BCKDHB: variants seen among roughly 807,000 people sequenced by gnomAD.
BCKDHB encodes 2-oxoisovalerate dehydrogenase subunit beta, mitochondrial.
In BCKDHB, 41 loss-of-function variants were observed where a neutral mutation model predicts 48.5. The ratio of observed to expected loss-of-function variants is 0.85; its 90% confidence interval spans 0.66 to 1.10. BCKDHB has a LOEUF of 1.10. Among genes scored for constraint, BCKDHB ranks in the 50% least tolerant of loss-of-function variants. The pLI, the probability that BCKDHB is intolerant of heterozygous loss-of-function variation, is 0.00. For missense variants in BCKDHB, 496 were observed against 494.2 expected (o/e 1.00, Z -0.03); for synonymous variants, 201 against 174.8 (o/e 1.15, Z -1.18).
intron 3 of BCKDHB, among the ~76,000 whole-genome samples, chr6:80,167,251 T>C (rs1772624279): frequency 6.6e-6 from 1 of 152,116 alleles, no homozygotes; most frequent in South Asian, 2.1e-4. Context: ...CTTTTTTCTT[T>C]TTTTTAACAA....
chr6:80,187,809 T>A (rs1773716571), intron 6 of BCKDHB, among the ~76,000 whole-genome samples: 1 of 152,156 alleles, frequency 6.6e-6, no homozygotes, highest in Non-Finnish European at 1.5e-5. Context: ...ATAGCTATTA[T>A]TAAAAAGTCA....
intron 9 of BCKDHB, among the ~76,000 whole-genome samples, chr6:80,323,203 A>G (rs1768839731): frequency 1.3e-5 from 2 of 152,222 alleles, no homozygotes; most frequent in African/African-American, 4.8e-5. Context: ...AGCATCTTGT[A>G]TGCTCCATAG....
chr6:80,325,089 A>G (rs1535075), intron 9 of BCKDHB, among the ~76,000 whole-genome samples: 65,285 of 152,104 alleles, frequency 0.43, 16,123 homozygotes, highest in Admixed American at 0.6. Flanking sequence ...AAAGTACTAT[A>G]TAGTACTGAT....
intron 8 of BCKDHB, among the ~76,000 whole-genome samples, chr6:80,260,485 A>G (rs1169572949): frequency 6.6e-6 from 1 of 152,176 alleles, no homozygotes; most frequent in African/African-American, 2.4e-5. Context: ...GTGCTTCAGA[A>G]GTACGGTACA....
chr6:80,409,183 G>A, the BCKDHB span, among the ~76,000 whole-genome samples: 2 of 152,026 alleles, frequency 1.3e-5, no homozygotes, highest in African/African-American at 4.8e-5. Context: ...TTGTAGTTGT[G>A]TGGTTTTGAG....
At chr6:80,141,172 C>G (rs968246667) in intron 3 of BCKDHB, among the ~76,000 whole-genome samples, 1 of 151,898 alleles carries the variant, frequency 6.6e-6, no homozygotes, top group Non-Finnish European at 1.5e-5. Context: ...ATTTTTAATG[C>G]GTCTATTCGA....
At chr6:80,137,371 A>C (rs1770941584) in intron 3 of BCKDHB, among the ~76,000 whole-genome samples, 1 of 152,136 alleles carries the variant, frequency 6.6e-6, no homozygotes, top group Non-Finnish European at 1.5e-5. Context: ...TCAGCCTGTC[A>C]GCACTATTTA....
intron 9 of BCKDHB, chr6:80,308,001 A>G (rs781162729): frequency 1.3e-5 from 11 of 819,748 alleles, no homozygotes; most frequent in Non-Finnish European, 1.5e-5. Context: ...TACAATCACA[A>G]CTAAGGGGAT....
intron 9 of BCKDHB, among the ~76,000 whole-genome samples, chr6:80,310,322 A>C (rs539621770): frequency 6.6e-6 from 1 of 152,128 alleles, no homozygotes; most frequent in African/African-American, 2.4e-5. Flanking sequence ...CTCATCATTT[A>C]GCTCCCACTT....
At chr6:80,442,687 TC>T in the BCKDHB span, among the ~76,000 whole-genome samples, 3 of 152,060 alleles carry the variant, frequency 2.0e-5, no homozygotes, top group Non-Finnish European at 4.4e-5. Context: ...CTCACTGCCC[TC>T]CCCATTAACA....
chr6:80,415,713 G>A, the BCKDHB span, among the ~76,000 whole-genome samples: 3 of 152,052 alleles, frequency 2.0e-5, no homozygotes, highest in Non-Finnish European at 4.4e-5. Flanking sequence ...GTTCATTAAG[G>A]GTATTGGCCT....
chr6:80,119,830 T>A (rs1262295309), intron 1 of BCKDHB, among the ~76,000 whole-genome samples: 2 of 152,266 alleles, frequency 1.3e-5, no homozygotes, highest in East Asian at 3.9e-4. Context: ...ATTGATGTAT[T>A]AGCAGGCATG....
At chr6:80,132,202 G>A (rs761938951) in intron 3 of BCKDHB, among the ~76,000 whole-genome samples, 9 of 151,698 alleles carry the variant, frequency 5.9e-5, no homozygotes, top group Non-Finnish European at 1.2e-4. Context: ...TTCTTCTTCA[G>A]AAGATTCCCC....
the BCKDHB span, among the ~76,000 whole-genome samples, chr6:80,395,048 CT>C: frequency 6.6e-6 from 1 of 152,178 alleles, no homozygotes; most frequent in Non-Finnish European, 1.5e-5. Context: ...CCATGTGGAA[CT>C]GTGAATCAAT....
At chr6:80,416,559 G>T in the BCKDHB span, among the ~76,000 whole-genome samples, 2 of 151,852 alleles carry the variant, frequency 1.3e-5, no homozygotes, top group Non-Finnish European at 2.9e-5. Flanking sequence ...TCCGGAGCAG[G>T]TTATTCAACT....
chr6:80,146,437 A>G (rs1279858442), intron 3 of BCKDHB, among the ~76,000 whole-genome samples: 1 of 152,208 alleles, frequency 6.6e-6, no homozygotes, highest in Admixed American at 6.5e-5. Flanking sequence ...AGACTTCTGG[A>G]AAAAGAAGCA....
chr6:80,326,864 T>C (rs1440951757), intron 9 of BCKDHB, among the ~76,000 whole-genome samples: 2 of 151,904 alleles, frequency 1.3e-5, no homozygotes, highest in Non-Finnish European at 2.9e-5. Context: ...AGACTCAGTC[T>C]CAAAAGAAAA....
chr6:80,403,112 T>C, the BCKDHB span, among the ~76,000 whole-genome samples: 4 of 151,964 alleles, frequency 2.6e-5, no homozygotes, highest in Non-Finnish European at 4.4e-5. Context: ...CATATGAAGG[T>C]TAACATTATT....
chr6:80,341,202 A>C (rs1203760023), intron 9 of BCKDHB, among the ~76,000 whole-genome samples: 2 of 152,192 alleles, frequency 1.3e-5, no homozygotes, highest in Admixed American at 6.5e-5. Flanking sequence ...TAACAACTTA[A>C]TGCTACATAA....
Sources: allele counts gnomAD v4.1 joint callset (sites outside exome capture counted in the v4.1 genomes callset), GRCh38; gene constraint gnomAD v4.1.1; transcripts MANE v1.5; gene names NCBI Gene and HGNC (gene_info 2026-07-23, HGNC 2026-07-21).